ROR1: variants seen among roughly 807,000 people sequenced by gnomAD.
ROR1 encodes ROR family WNT receptor 1.
A neutral mutation model predicts 78.8 loss-of-function variants in ROR1; 19 were observed. That is an observed-to-expected ratio of 0.24 (90% confidence interval 0.17 to 0.35). ROR1 has a LOEUF of 0.35. ROR1 is among the 10% of genes least tolerant of loss of function. The probability of loss-of-function intolerance (pLI) is 1.00; values close to 1 mark genes in which losing one functional copy is unlikely to be tolerated. For missense variants in ROR1, 917 were observed against 1,177.8 expected (o/e 0.78, Z 3.24); for synonymous variants, 386 against 433.6 (o/e 0.89, Z 1.36).
intron 1 of ROR1, among the ~76,000 whole-genome samples, chr1:63,941,911 T>C (rs930333807): frequency 1.3e-5 from 2 of 152,168 alleles, no homozygotes; most frequent in Non-Finnish European, 2.9e-5. Flanking sequence ...CCAGACACTG[T>C]TCTAAGTACT....
intron 1 of ROR1, among the ~76,000 whole-genome samples, chr1:63,986,866 TG>T (rs1227143671): frequency 2.7e-5 from 4 of 150,038 alleles, no homozygotes; most frequent in Non-Finnish European, 5.9e-5. Context: ...CACTCCAGCC[TG>T]GGTGACAGAG....
chr1:64,132,121 T>C (rs921182137), intron 4 of ROR1, among the ~76,000 whole-genome samples: 1 of 152,346 alleles, frequency 6.6e-6, no homozygotes, highest in Non-Finnish European at 1.5e-5. Flanking sequence ...GACTTACCTA[T>C]TTTAAATATT....
intron 5 of ROR1, among the ~76,000 whole-genome samples, chr1:64,138,388 T>A (rs1569839233): frequency 6.6e-6 from 1 of 152,172 alleles, no homozygotes; most frequent in Non-Finnish European, 1.5e-5. Flanking sequence ...GTAACCGTTG[T>A]CTTTTTCTTT....
chr1:64,147,663 A>T lies in ROR1; in HGVS notation c.1174+5013A>T, dbSNP rs112740127. ...GCATTTGATTTTTTTTTCTCATTTC[A>T]TTGTCACAAAACCATGAAAGATCAA... On this transcript the variant is annotated intron_variant, in intron 7 of 8. Coordinates refer to ENST00000371079, the MANE Select transcript of ROR1 (RefSeq NM_005012.4). Among the ~76,000 whole-genome samples, 1,196 of 151,866 alleles carry T rather than the reference A, an allele frequency of 7.9e-3. 9 individuals are homozygous for T. The highest frequency in any genetic ancestry group is 0.028 in the African/African-American group (1,152 of 41,374).
At chr1:63,983,005 T>C (rs773364669) in intron 1 of ROR1, among the ~76,000 whole-genome samples, 1 of 152,234 alleles carries the variant, frequency 6.6e-6, no homozygotes, top group Non-Finnish European at 1.5e-5. Context: ...GTATGTACTC[T>C]GTAAATGTTA....
At chr1:63,900,927 C>T (rs1183732358) in intron 1 of ROR1, among the ~76,000 whole-genome samples, 2 of 152,168 alleles carry the variant, frequency 1.3e-5, no homozygotes, top group Non-Finnish European at 2.9e-5. Context: ...CTCCTATGCA[C>T]ATTACAAACA....
At chr1:64,078,007 G>T (rs1034474617) in intron 4 of ROR1, among the ~76,000 whole-genome samples, 1 of 152,154 alleles carries the variant, frequency 6.6e-6, no homozygotes, top group Non-Finnish European at 1.5e-5. Flanking sequence ...CAAATAAACT[G>T]TCACCTGCTA....
At chr1:63,790,092 T>G (rs1378806038) in intron 1 of ROR1, among the ~76,000 whole-genome samples, 2 of 152,172 alleles carry the variant, frequency 1.3e-5, no homozygotes. Flanking sequence ...ACTCACATGC[T>G]CTCCTAGCAC....
intron 1 of ROR1, among the ~76,000 whole-genome samples, chr1:63,921,768 CTG>C (rs1645656628): frequency 6.6e-6 from 1 of 152,152 alleles, no homozygotes; most frequent in South Asian, 2.1e-4. Context: ...AGTTTAATCA[CTG>C]AGCCTTTCAG....
At chr1:63,990,186 C>T (rs797011709) in intron 1 of ROR1, among the ~76,000 whole-genome samples, 1 of 152,200 alleles carries the variant, frequency 6.6e-6, no homozygotes, top group South Asian at 2.1e-4. Flanking sequence ...TCACAAAAAC[C>T]ACAGAGGGCA....
chr1:63,861,016 C>T (rs1222117513), intron 1 of ROR1, among the ~76,000 whole-genome samples: 1 of 151,978 alleles, frequency 6.6e-6, no homozygotes, highest in African/African-American at 2.4e-5. Context: ...TTGGTAATGG[C>T]CAAGATTCTG....
At chr1:63,982,652 A>G (rs1256836219) in intron 1 of ROR1, among the ~76,000 whole-genome samples, 1 of 152,204 alleles carries the variant, frequency 6.6e-6, no homozygotes, top group Non-Finnish European at 1.5e-5. Context: ...AAATAATTAA[A>G]TGCCCTTACA....
chr1:63,888,485 A>G (rs907061050), intron 1 of ROR1, among the ~76,000 whole-genome samples: 1 of 152,046 alleles, frequency 6.6e-6, no homozygotes, highest in Non-Finnish European at 1.5e-5. Context: ...TTAGCTGGGC[A>G]TGGTGCATGT....
intron 8 of ROR1, among the ~76,000 whole-genome samples, chr1:64,169,494 A>G (rs1650179246): frequency 1.3e-5 from 2 of 152,136 alleles, no homozygotes. Flanking sequence ...CCCATGATTC[A>G]ATAACCTCCC....
chr1:63,986,409 A>G (rs931566277), intron 1 of ROR1, among the ~76,000 whole-genome samples: 1 of 152,236 alleles, frequency 6.6e-6, no homozygotes, highest in Admixed American at 6.5e-5. Flanking sequence ...GGGAAGAGGA[A>G]TGAAAATGGG....
chr1:63,879,792 T>A (rs1645311329), intron 1 of ROR1, among the ~76,000 whole-genome samples: 1 of 152,106 alleles, frequency 6.6e-6, no homozygotes, highest in Admixed American at 6.5e-5. Context: ...GAACAAGAAG[T>A]ACCAGCATGA....
At chr1:63,982,316 C>T (rs1473721471) in intron 1 of ROR1, among the ~76,000 whole-genome samples, 1 of 152,166 alleles carries the variant, frequency 6.6e-6, no homozygotes, top group African/African-American at 2.4e-5. Context: ...GCTTTGCAAG[C>T]CTGCGGTGAG....
At chr1:63,846,917 A>AG (rs1180077483) in intron 1 of ROR1, among the ~76,000 whole-genome samples, 2 of 152,158 alleles carry the variant, frequency 1.3e-5, no homozygotes, top group Non-Finnish European at 2.9e-5. Context: ...GCGGCCTTGG[A>AG]GGTGAAGTCA....
intron 1 of ROR1, among the ~76,000 whole-genome samples, chr1:63,836,032 T>C (rs969918973): frequency 6.6e-6 from 1 of 152,250 alleles, no homozygotes; most frequent in Non-Finnish European, 1.5e-5. Context: ...TTTGAAAACA[T>C]TGTTCCTTAG....
Sources: gnomAD v4.1 joint callset for allele counts (sites outside exome capture counted in the v4.1 genomes callset) on GRCh38, gnomAD v4.1.1 for gene constraint, MANE v1.5 for transcripts, NCBI Gene and HGNC (gene_info 2026-07-23, HGNC 2026-07-21) for gene names.